The following KAZN variants were observed in gnomAD, a reference collection of about 807,000 sequenced individuals.
The protein encoded by KAZN is kazrin, periplakin interacting protein.
Under a neutral mutation model 87.4 loss-of-function variants are expected in KAZN, and 40 were observed. The ratio of observed to expected loss-of-function variants is 0.46; its 90% confidence interval spans 0.36 to 0.60. The LOEUF (loss-of-function observed/expected upper bound fraction) is 0.60. Among genes scored for constraint, KAZN ranks in the 20% least tolerant of loss-of-function variants. KAZN has a pLI of 0.00. For missense variants in KAZN, 898 were observed against 1,073.9 expected, an observed-to-expected ratio of 0.84 and a Z score of 2.29; for synonymous variants, 466 against 458.3, an observed-to-expected ratio of 1.02 and a Z score of -0.22.
intron 1 of KAZN, among the ~76,000 whole-genome samples, chr1:14,668,712 G>A (rs1018502746): frequency 5.3e-5 from 8 of 152,076 alleles, no homozygotes; most frequent in Admixed American, 1.3e-4. Context: ...CCAGGCCTCC[G>A]TAAGGTGATA....
chr1:14,650,032 CTTTTTT>C lies in KAZN; in HGVS notation c.226+50830_226+50835del, dbSNP rs34399319. Among the ~76,000 whole-genome samples the C allele has an allele frequency of 3.8e-3, 336 of 88,346 alleles. 3 individuals carry two copies. Among genetic ancestry groups the C allele is most frequent in the South Asian group, 0.026 (66 of 2,554 alleles). The allele number at this position is 88,346 out of a possible 152,430, so 58.0% of individuals were successfully genotyped here. A position where few individuals can be genotyped will look rare whatever the true frequency, so the allele number is the denominator to read the frequency against. On this transcript the variant is annotated intron_variant, in intron 1 of 14. Coordinates refer to ENST00000376030, the MANE Select transcript of KAZN (RefSeq NM_201628.3). The stretch of plus-strand genomic sequence containing the variant: ...CTGGTATCTTTCCCCCTCCACCCAT[CTTTTTT>C]TTTTTTTTTTTTTTTTTTTTGCTGA...
intron 2 of KAZN, among the ~76,000 whole-genome samples, chr1:14,461,333 G>A (rs990694731): frequency 6.6e-6 from 1 of 152,086 alleles, no homozygotes; most frequent in Admixed American, 6.5e-5. Context: ...ATCATGGGGG[G>A]CAGTTCCCGC....
At chr1:14,679,709 C>T (rs565863186) in intron 1 of KAZN, among the ~76,000 whole-genome samples, 1 of 152,304 alleles carries the variant, frequency 6.6e-6, no homozygotes, top group Middle Eastern at 3.4e-3. Context: ...GTGACAGCAG[C>T]ATCCCCATTG....
Position 14,341,176 on chromosome 1 carries a change from G to A in KAZN, c.249+160584G>A, listed in dbSNP as rs1282706242. On this transcript the variant is annotated intron_variant, in intron 2 of 16. Transcript: ENST00000636203. ...CCAAAGTGTTGGGATTAACAGGCAT[G>A]AGCCACCGTGCCCAGCTGATTTTCC... Among the ~76,000 whole-genome samples the A allele has an allele frequency of 2.0e-5, 3 of 152,046 alleles. 1 individual carries two copies. The highest frequency in any genetic ancestry group is 4.2e-4 in the South Asian group (2 of 4,818).
intron 1 of KAZN, among the ~76,000 whole-genome samples, chr1:14,691,767 G>A (rs927402251): frequency 3.9e-5 from 6 of 152,104 alleles, no homozygotes; most frequent in African/African-American, 9.7e-5. Flanking sequence ...GATTACAGAC[G>A]TAATCCAAAC....
intron 2 of KAZN, among the ~76,000 whole-genome samples, chr1:14,412,016 G>T (rs929862585): frequency 6.6e-6 from 1 of 152,130 alleles, no homozygotes; most frequent in Non-Finnish European, 1.5e-5. Flanking sequence ...TTCTGTATTC[G>T]GCATTCTCCC....
chr1:14,714,267 A>C (rs141623921), intron 1 of KAZN, among the ~76,000 whole-genome samples: 3,110 of 152,252 alleles, frequency 0.02, 62 homozygotes, highest in Middle Eastern at 0.037. Flanking sequence ...TCCCTTCTCA[A>C]GAGGCATCTG....
At chr1:14,404,073 G>A (rs529388833) in intron 2 of KAZN, among the ~76,000 whole-genome samples, 12 of 152,284 alleles carry the variant, frequency 7.9e-5, no homozygotes, top group South Asian at 6.2e-4. Context: ...TGCATAGCAC[G>A]CAAAGAACTG....
intron 2 of KAZN, among the ~76,000 whole-genome samples, chr1:14,275,909 T>C (rs1245204754): frequency 6.6e-6 from 1 of 152,222 alleles, no homozygotes; most frequent in African/African-American, 2.4e-5. Context: ...ATTCTCAGGC[T>C]TGGTTCTCTG....
intron 1 of KAZN, among the ~76,000 whole-genome samples, chr1:14,914,294 G>C (rs1220740465): frequency 2.0e-5 from 3 of 152,196 alleles, no homozygotes; most frequent in African/African-American, 4.8e-5. Flanking sequence ...TTGATTTGCT[G>C]TACCCCCCTG....
chr1:14,916,904 C>A (rs183586225), intron 1 of KAZN, among the ~76,000 whole-genome samples: 2 of 145,370 alleles, frequency 1.4e-5, no homozygotes, highest in African/African-American at 5.1e-5. Context: ...ACAAGCAAGA[C>A]CTTGTCTCAA....
intron 2 of KAZN, among the ~76,000 whole-genome samples, chr1:14,286,236 C>G (rs1020542201): frequency 6.6e-6 from 1 of 151,920 alleles, no homozygotes; most frequent in Non-Finnish European, 1.5e-5. Flanking sequence ...ACATTCTCCC[C>G]GTGTCTACAC....
intron 2 of KAZN, among the ~76,000 whole-genome samples, chr1:14,570,931 C>T (rs931226530): frequency 5.9e-5 from 9 of 152,154 alleles, no homozygotes; most frequent in Admixed American, 1.3e-4. Flanking sequence ...TACTCCTGAC[C>T]TCTGAATCCT....
At chr1:14,241,909 C>G (rs1373610613) in intron 2 of KAZN, among the ~76,000 whole-genome samples, 1 of 152,166 alleles carries the variant, frequency 6.6e-6, no homozygotes, top group Non-Finnish European at 1.5e-5. Context: ...CCTCGTACCC[C>G]ACCCCCAAAG....
intron 1 of KAZN, among the ~76,000 whole-genome samples, chr1:14,955,092 A>G (rs1199379306): frequency 6.6e-6 from 1 of 152,364 alleles, no homozygotes; most frequent in Non-Finnish European, 1.5e-5. Flanking sequence ...AAGGGAACCC[A>G]TGTTGTGAAG....
intron 2 of KAZN, among the ~76,000 whole-genome samples, chr1:14,278,125 G>A (rs1430322503): frequency 7.1e-6 from 1 of 141,598 alleles, no homozygotes; most frequent in Non-Finnish European, 1.5e-5. Context: ...AGTCAAGATC[G>A]CGCCACTGCA....
chr1:14,440,448 C>G (rs1411141664), intron 2 of KAZN, among the ~76,000 whole-genome samples: 1 of 152,190 alleles, frequency 6.6e-6, no homozygotes, highest in South Asian at 2.1e-4. Context: ...ATTGGATTGT[C>G]AATTCCCATT....
intron 1 of KAZN, among the ~76,000 whole-genome samples, chr1:14,146,137 A>G (rs997870124): frequency 6.6e-6 from 1 of 150,686 alleles, no homozygotes; most frequent in African/African-American, 2.4e-5. Context: ...CTTCTATTTA[A>G]TATTCTCCTT....
chr1:14,751,631 G>A (rs749733803), intron 1 of KAZN, among the ~76,000 whole-genome samples: 1 of 152,152 alleles, frequency 6.6e-6, no homozygotes, highest in Non-Finnish European at 1.5e-5. Context: ...CAGGCATCCT[G>A]GCACTAAGGT....
Sources: allele counts gnomAD v4.1 joint callset (sites outside exome capture counted in the v4.1 genomes callset), GRCh38; gene constraint gnomAD v4.1.1; transcripts MANE v1.5; gene names NCBI Gene and HGNC (gene_info 2026-07-23, HGNC 2026-07-21).